TMEM209: variants seen among roughly 807,000 people sequenced by gnomAD.
TMEM209 encodes transmembrane protein 209.
TMEM209 carries 65 observed loss-of-function variants against 76.2 expected under a neutral mutation model. That is an observed-to-expected ratio of 0.85 (90% CI 0.70 to 1.05). The LOEUF is 1.05. TMEM209 is among the 50% of genes least tolerant of loss of function. TMEM209 has a pLI of 0.00. For synonymous variants in TMEM209, 239 were observed against 237.6 expected (o/e 1.01, Z -0.06); for missense variants, 623 against 685.5 (o/e 0.91, Z 1.02).
chr7:130,191,471 G>A (rs576489780), intron 6 of TMEM209, among the ~76,000 whole-genome samples: 130 of 151,974 alleles, frequency 8.6e-4, no homozygotes, highest in Non-Finnish European at 1.4e-3. Context: ...CAAATATAGA[G>A]CCCCAAATTT....
chr7:130,184,156 T>C (rs370437579), intron 8 of TMEM209, 28 bp downstream of exon 8: 1 of 1,513,096 alleles, frequency 6.6e-7, no homozygotes, highest in Non-Finnish European at 9.0e-7. Flanking sequence ...GGCACTAATA[T>C]TGTCCAAAGA....
At chr7:130,178,205 G>A (rs773206547) in intron 10 of TMEM209, among the ~76,000 whole-genome samples, 197 bp downstream of exon 10, 1 of 152,188 alleles carries the variant, frequency 6.6e-6, no homozygotes, top group Non-Finnish European at 1.5e-5. Context: ...AGTAGGAAAT[G>A]AGTGAAATAG....
chr7:130,177,729 T>C lies in TMEM209; in HGVS notation c.1246+673A>G, dbSNP rs140013069. ...GTGTACAAGAGGAGTGTGTATACTA[T>C]TTTTTCTAGTTTTGTGTATGTTTAA... On this transcript the variant is annotated intron_variant, in intron 10 of 14. Coordinates refer to ENST00000397622, the MANE Select transcript of TMEM209 (RefSeq NM_032842.4). 6.3e-3 allele frequency among the ~76,000 whole-genome samples: 959 copies of C among 152,278 alleles called. 7 individuals are homozygous for C. The highest frequency in any genetic ancestry group is 0.011 in the Non-Finnish European group (742 of 68,020).
chr7:130,171,502 CA>C (rs1797065637), intron 13 of TMEM209, among the ~76,000 whole-genome samples: 1 of 151,736 alleles, frequency 6.6e-6, no homozygotes, highest in East Asian at 1.9e-4. Context: ...GAAAAAAAAA[CA>C]GATGGTGGTT....
chr7:130,185,447 G>T, intron 6 of TMEM209, 80 bp from the exon 7 acceptor site: 1 of 1,247,220 alleles, frequency 8.0e-7, no homozygotes. Flanking sequence ...CTAGGCAATG[G>T]CAATCCAGGA....
chr7:130,191,564 A>C (rs992861177), intron 6 of TMEM209, among the ~76,000 whole-genome samples: 1 of 152,178 alleles, frequency 6.6e-6, no homozygotes, highest in Non-Finnish European at 1.5e-5. Context: ...AGTCTCAAAC[A>C]AACAAACACA....
At chr7:130,172,753 C>G (rs1305427919) in intron 13 of TMEM209, among the ~76,000 whole-genome samples, 1 of 151,802 alleles carries the variant, frequency 6.6e-6, no homozygotes, top group Non-Finnish European at 1.5e-5. Context: ...AATCCCAGCA[C>G]TTTGGGAGGC....
intron 6 of TMEM209, among the ~76,000 whole-genome samples, chr7:130,187,248 C>G (rs1238970827): frequency 6.9e-6 from 1 of 145,184 alleles, no homozygotes; most frequent in Admixed American, 6.8e-5. Flanking sequence ...ATCTCAAAAA[C>G]AAAAAAAACC....
chr7:130,184,720 GA>G (rs1284636726), intron 7 of TMEM209, among the ~76,000 whole-genome samples: 1 of 151,988 alleles, frequency 6.6e-6, no homozygotes, highest in Non-Finnish European at 1.5e-5. Context: ...TCAATCTCCT[GA>G]CCTCGTGATC....
intron 13 of TMEM209, among the ~76,000 whole-genome samples, chr7:130,172,646 C>G (rs551924220): frequency 6.6e-6 from 1 of 152,166 alleles, no homozygotes. Flanking sequence ...AGAAAATGTA[C>G]AACAGTAGAG....
rs967158310 is a variant in TMEM209 at position 130,187,870 on chromosome 7, T to G, written c.776-2503A>C. Among the ~76,000 whole-genome samples the G allele has an allele frequency of 2.0e-5, 3 of 152,056 alleles. No individual in the cohort carries two copies. The East Asian group carries it at 5.8e-4, about 29-fold the overall frequency. On this transcript the variant is annotated intron_variant, in intron 6 of 14. Transcript: ENST00000397622. ...AGACAAGGCTTCCATCCAGCCAAGATAAGCTTACCAGAAACAAACAGAAAT... is the reference window on the plus strand; with the variant it reads ...AGACAAGGCTTCCATCCAGCCAAGAGAAGCTTACCAGAAACAAACAGAAAT...
intron 6 of TMEM209, among the ~76,000 whole-genome samples, chr7:130,186,842 C>T (rs1797617013): frequency 6.6e-6 from 1 of 152,116 alleles, no homozygotes; most frequent in Middle Eastern, 3.2e-3. Flanking sequence ...ACCTCAAAGA[C>T]CTAAGAGTCA....
intron 1 of TMEM209, chr7:130,205,115 T>C (rs573868034): frequency 2.8e-6 from 4 of 1,422,920 alleles, no homozygotes; most frequent in East Asian, 2.5e-5. Flanking sequence ...CAAGCAGTCG[T>C]ATCCCACAGA....
At chr7:130,202,729 C>T in intron 3 of TMEM209, 66 bp from the exon 4 acceptor site, 3 of 1,507,358 alleles carry the variant, frequency 2.0e-6, no homozygotes, top group South Asian at 2.7e-5. Context: ...AACACAAAAA[C>T]CCTCTATACT....
intron 5 of TMEM209, among the ~76,000 whole-genome samples, chr7:130,201,288 T>G (rs1330848398): frequency 6.6e-6 from 1 of 151,946 alleles, no homozygotes; most frequent in South Asian, 2.1e-4. Context: ...CAAGAAGGAG[T>G]CAAAATTTCA....
At chr7:130,201,798 A>G in intron 5 of TMEM209, 52 bp downstream of exon 5, 2 of 1,602,830 alleles carry the variant, frequency 1.2e-6, no homozygotes, top group East Asian at 2.2e-5. Context: ...GATTTTTAGT[A>G]TACCTCTCAA....
intron 5 of TMEM209, among the ~76,000 whole-genome samples, chr7:130,196,204 A>C (rs1797965941): frequency 6.6e-6 from 1 of 152,178 alleles, no homozygotes; most frequent in Admixed American, 6.5e-5. Context: ...CTGTTTCTTC[A>C]AAGTTTAAAA....
At chr7:130,185,044 G>A (rs892342080) in intron 7 of TMEM209, 148 bp downstream of exon 7, 2 of 920,322 alleles carry the variant, frequency 2.2e-6, no homozygotes, top group Non-Finnish European at 3.1e-6. Flanking sequence ...CACAAAGTAA[G>A]ACAGGAGCTT....
chr7:130,202,410 G>T, intron 4 of TMEM209, 122 bp downstream of exon 4: 2 of 1,332,118 alleles, frequency 1.5e-6, no homozygotes, highest in Non-Finnish European at 2.1e-6. Context: ...ACAATTTATT[G>T]TATCCTGCTT....
Sources: allele counts gnomAD v4.1 joint callset (sites outside exome capture counted in the v4.1 genomes callset), GRCh38; gene constraint gnomAD v4.1.1; transcripts MANE v1.5; gene names NCBI Gene and HGNC (gene_info 2026-07-23, HGNC 2026-07-21).